STPG2: variants seen among roughly 807,000 people sequenced by gnomAD.
STPG2 encodes the protein sperm-tail PG-rich repeat-containing protein 2.
Under a neutral mutation model 54.2 loss-of-function variants are expected in STPG2, and 56 were observed. The observed-to-expected ratio is 1.03, with a 90% CI of 0.83 to 1.29. The LOEUF (loss-of-function observed/expected upper bound fraction) is 1.29, where lower values mean the gene tolerates loss of function less well. Ranked by LOEUF, STPG2 falls within the 50% of genes most tolerant of loss-of-function variation. STPG2 has a pLI of 0.00. For missense variants in STPG2, 596 were observed against 544.9 expected (o/e 1.09, Z -0.93); for synonymous variants, 200 against 181.8 (o/e 1.10, Z -0.81).
At chr4:97,905,695 T>C (rs1373151692) in intron 8 of STPG2, among the ~76,000 whole-genome samples, 1 of 152,244 alleles carries the variant, frequency 6.6e-6, no homozygotes, top group Admixed American at 6.5e-5. Flanking sequence ...ATCAGTGTGC[T>C]GTATTCAGGA....
rs575232693 is a variant in STPG2, at chr4:97,848,095, G to C, written c.1045-7163C>G. On this transcript the variant is annotated intron_variant, in intron 8 of 10. Coordinates refer to ENST00000295268, the MANE Select transcript of STPG2 (RefSeq NM_174952.3). Reference sequence around the variant, plus strand: ...CTCATTGGATCCCCAGTGCCTATGGGAAAAACTTTCAGGAAACTCTCCTTG... The same window carrying C: ...CTCATTGGATCCCCAGTGCCTATGGCAAAAACTTTCAGGAAACTCTCCTTG... 2.0e-5 allele frequency among the ~76,000 whole-genome samples: 3 copies of C among 152,190 alleles called. No homozygotes were observed. In the South Asian group the frequency reaches 6.2e-4, roughly 32 times the overall value.
intron 9 of STPG2, among the ~76,000 whole-genome samples, chr4:97,727,517 G>A (rs958190388): frequency 2.6e-5 from 4 of 151,822 alleles, no homozygotes; most frequent in Non-Finnish European, 5.9e-5. Context: ...ATACCCCCAG[G>A]TTTTTTATGC....
intron 4 of STPG2, among the ~76,000 whole-genome samples, chr4:97,547,757 T>C (rs1731869695): frequency 6.6e-6 from 1 of 152,118 alleles, no homozygotes; most frequent in Admixed American, 6.6e-5. Flanking sequence ...GAGTTGGTAG[T>C]GAGGATAAAG....
chr4:97,453,788 C>T (rs1481818109), intron 4 of STPG2, among the ~76,000 whole-genome samples: 1 of 152,148 alleles, frequency 6.6e-6, no homozygotes, highest in African/African-American at 2.4e-5. Flanking sequence ...TCCCAGGTTT[C>T]AGTCCTGGCA....
intron 10 of STPG2, among the ~76,000 whole-genome samples, chr4:97,635,316 G>T (rs1044329645): frequency 6.6e-6 from 1 of 152,196 alleles, no homozygotes; most frequent in Non-Finnish European, 1.5e-5. Flanking sequence ...CACTAGGCCT[G>T]CCCTAAAAGA....
chr4:97,884,973 AAAGCATCCCTACAG>A (rs1186726559), intron 8 of STPG2, among the ~76,000 whole-genome samples: 6 of 152,158 alleles, frequency 3.9e-5, no homozygotes, highest in Non-Finnish European at 8.8e-5. Flanking sequence ...AAGATGCAGA[AAAGCATCCCTACAG>A]ACAAAGATAG....
intron 4 of STPG2, among the ~76,000 whole-genome samples, chr4:97,488,357 A>G (rs1268072858): frequency 6.6e-6 from 1 of 151,750 alleles, no homozygotes. Flanking sequence ...CCTAAGAGTT[A>G]TCCCAGTTTA....
chr4:97,896,311 G>C (rs1338243106), intron 8 of STPG2, among the ~76,000 whole-genome samples: 1 of 151,656 alleles, frequency 6.6e-6, no homozygotes, highest in African/African-American at 2.4e-5. Context: ...TTTGTGTCTA[G>C]AAGGAATGAA....
intron 10 of STPG2, among the ~76,000 whole-genome samples, chr4:97,660,298 C>T (rs1284683886): frequency 6.6e-6 from 1 of 152,158 alleles, no homozygotes. Context: ...ACCGCGCCGG[C>T]CTGTAGATGA....
At chr4:97,716,101 C>T (rs1039695820) in intron 9 of STPG2, among the ~76,000 whole-genome samples, 1 of 152,152 alleles carries the variant, frequency 6.6e-6, no homozygotes, top group Non-Finnish European at 1.5e-5. Flanking sequence ...AGCTCATCAT[C>T]ACTGGTCATT....
At chr4:97,910,443 T>C (rs559807397) in intron 8 of STPG2, among the ~76,000 whole-genome samples, 3 of 152,300 alleles carry the variant, frequency 2.0e-5, no homozygotes, top group East Asian at 3.9e-4. Flanking sequence ...TAAATTATCA[T>C]GTGGAATACT....
chr4:97,745,262 AC>A (rs200191930), intron 9 of STPG2, among the ~76,000 whole-genome samples: 2 of 99,700 alleles, frequency 2.0e-5, no homozygotes, highest in Admixed American at 1.1e-4. Context: ...AAACAAAAAA[AC>A]AAAAAAAAAA....
intron 9 of STPG2, among the ~76,000 whole-genome samples, chr4:97,745,231 C>A (rs1349034899): frequency 7.5e-6 from 1 of 132,616 alleles, no homozygotes. Flanking sequence ...TTTCAGAAAC[C>A]ATGGCATAAA....
intron 5 of STPG2, among the ~76,000 whole-genome samples, chr4:98,043,542 T>G (rs570830916): frequency 7.2e-5 from 11 of 152,186 alleles, no homozygotes; most frequent in Non-Finnish European, 1.6e-4. Context: ...ATAGTCTATT[T>G]TAGGCTGATA....
chr4:97,569,302 A>C (rs899310740), intron 10 of STPG2, among the ~76,000 whole-genome samples: 2 of 152,154 alleles, frequency 1.3e-5, no homozygotes, highest in Non-Finnish European at 2.9e-5. Flanking sequence ...ATGCATTATA[A>C]TTAGTGTACT....
chr4:97,547,535 T>C (rs1402738108), intron 4 of STPG2, among the ~76,000 whole-genome samples: 2 of 152,132 alleles, frequency 1.3e-5, no homozygotes, highest in Admixed American at 6.5e-5. Flanking sequence ...AATCAGTAGA[T>C]GCATATTTTT....
At chr4:98,117,032 T>C (rs1739541343) in intron 3 of STPG2, among the ~76,000 whole-genome samples, 1 of 152,184 alleles carries the variant, frequency 6.6e-6, no homozygotes, top group South Asian at 2.1e-4. Context: ...ACCTTTATCA[T>C]TGTTCTTTAA....
At chr4:97,905,481 G>A (rs940116667) in intron 8 of STPG2, among the ~76,000 whole-genome samples, 12 of 151,772 alleles carry the variant, frequency 7.9e-5, no homozygotes, top group East Asian at 3.9e-4. Context: ...AGGAACAACC[G>A]GTACCAGCCA....
chr4:97,703,598 A>G (rs1426095608), intron 10 of STPG2, among the ~76,000 whole-genome samples: 2 of 79,518 alleles, frequency 2.5e-5, no homozygotes, highest in Non-Finnish European at 4.6e-5. Context: ...TATATACTAT[A>G]AGTAGTGTAT....
Sources: allele counts gnomAD v4.1 joint callset (sites outside exome capture counted in the v4.1 genomes callset), GRCh38; gene constraint gnomAD v4.1.1; transcripts MANE v1.5; gene names NCBI Gene and HGNC (gene_info 2026-07-23, HGNC 2026-07-21).